CWC25: variants seen among roughly 807,000 people sequenced by gnomAD.
CWC25 encodes the protein CWC25 spliceosome associated protein.
A neutral mutation model predicts 54.6 loss-of-function variants in CWC25; 31 were observed. The observed-to-expected ratio is 0.57, with a 90% CI of 0.43 to 0.77. CWC25 has a LOEUF of 0.77. Ranked by LOEUF, CWC25 falls within the 30% of genes least tolerant of loss-of-function variation. The pLI, the probability that CWC25 is intolerant of heterozygous loss-of-function variation, is 0.00. For synonymous variants in CWC25, 151 were observed against 187.0 expected (o/e 0.81, Z 1.57); for missense variants, 453 against 529.3 (o/e 0.86, Z 1.41).
At chr17:38,824,752 C>T (rs1276642296) in intron 1 of CWC25, among the ~76,000 whole-genome samples, 2 of 152,184 alleles carry the variant, frequency 1.3e-5, no homozygotes, top group East Asian at 1.9e-4. Context: ...ACAAACCACC[C>T]CTACTTCAGT....
intron 4 of CWC25, among the ~76,000 whole-genome samples, chr17:38,811,779 C>T (rs1189938887): frequency 1.3e-5 from 2 of 152,076 alleles, no homozygotes; most frequent in Non-Finnish European, 2.9e-5. Flanking sequence ...TAAACAGTCA[C>T]CAAAACCACT....
Position 38,820,990 on chromosome 17 carries a change from C to T in CWC25, c.102G>A (p.Arg34=). 1 of 1,613,990 alleles carries T rather than the reference C, an allele frequency of 6.2e-7. No homozygotes were observed. ...WKAEQKHEAE[R]KKIEELQREL... ...CCCGCTGAAGCTCCTCAATCTTCTT[C>T]CGCTCAGCCTCATGCTTCTGCTCGG... The change falls in exon 2 of 10, where the codon CGG becomes CGA. Residue 34 remains arginine (R), a synonymous_variant. Transcript: ENST00000614790.
chr17:38,802,659 C>T, intron 9 of CWC25, 41 bp downstream of exon 9: 7 of 1,609,360 alleles, frequency 4.3e-6, no homozygotes, highest in Non-Finnish European at 5.9e-6. Context: ...CTCTTAAGAC[C>T]TTCCCCATGA....
rs1318048628 is a variant in CWC25, at chr17:38,810,572, C to CT, written c.521dup (p.Glu175GlyfsTer16). On this transcript the variant is annotated frameshift_variant, in exon 5 of 10. Transcript: ENST00000614790. LOFTEE classifies it high-confidence loss of function. ...TCTTCTCCTTCTTTTTCTTCTTCTC[C>CT]TTTTTTTCCAGACTCATTTGCAACT... is the stretch of plus-strand genomic sequence containing the variant. 2 of 1,535,542 alleles carry CT rather than the reference C, an allele frequency of 1.3e-6. No homozygotes were observed. The highest frequency in any genetic ancestry group is 1.9e-5 in the Admixed American group (1 of 52,150).
chr17:38,824,727 T>C (rs1912072878), intron 1 of CWC25, among the ~76,000 whole-genome samples: 1 of 151,828 alleles, frequency 6.6e-6, no homozygotes, highest in Non-Finnish European at 1.5e-5. Context: ...TGGCTTAGGG[T>C]AGGGAGAATG....
At chr17:38,823,462 T>G (rs1248848026) in intron 1 of CWC25, among the ~76,000 whole-genome samples, 2 of 149,310 alleles carry the variant, frequency 1.3e-5, no homozygotes, top group East Asian at 3.9e-4. Context: ...TGGCTGAGAC[T>G]CCATCTTAAA....
rs566528948 is a variant in CWC25, at chr17:38,813,808, T to C, written c.429-944A>G. Reference sequence around the variant, plus strand: ...ATCCATCCATCTCTGCCTCCCAAAGTGCTGGGATTACAGGTGTGATCCACC... The same window carrying C: ...ATCCATCCATCTCTGCCTCCCAAAGCGCTGGGATTACAGGTGTGATCCACC... On this transcript the variant is annotated intron_variant, in intron 3 of 9. Coordinates refer to ENST00000614790, the MANE Select transcript of CWC25 (RefSeq NM_017748.5). Among the ~76,000 whole-genome samples the C allele has an allele frequency of 1.2e-4, 18 of 152,316 alleles. No homozygotes were observed. The East Asian group carries it at 3.3e-3, about 28-fold the overall frequency.
Position 38,814,741 on chromosome 17 carries a change from G to T in CWC25, c.428+120C>A, listed in dbSNP as rs1302868818. On this transcript the variant is annotated intron_variant, in intron 3 of 9. Transcript: ENST00000614790. ...AGCCTGGGCGACAGAGCGAGACTCC[G>T]TCTCAAAAAAAAAAAAAAAAAAAAA... 7.8e-6 allele frequency: 5 copies of T among 639,384 alleles called. No homozygotes were observed. In the African/African-American group the frequency reaches 2.0e-4, roughly 26 times the overall value. The allele number at this position is 639,384 out of a possible 1,614,324, so 39.6% of individuals were successfully genotyped here.
In CWC25 at chr17:38,810,579, T is replaced by G; in HGVS notation, c.515A>C (p.Glu172Ala). The G allele has an allele frequency of 6.6e-7, 1 of 1,512,436 alleles. No individual in the cohort carries two copies. The highest frequency in any genetic ancestry group is 9.0e-7 in the Non-Finnish European group (1 of 1,107,624). 93.7% of individuals were successfully genotyped at this position (1,512,436 alleles called of 1,614,324 possible). A position where few individuals can be genotyped will look rare whatever the true frequency, so the allele number is the denominator to read the frequency against. Residue 172 changes from glutamate to alanine, a missense_variant, in exon 5 of 10, where the codon GAA (glutamate) becomes GCA (alanine). Coordinates refer to ENST00000614790, the MANE Select transcript of CWC25 (RefSeq NM_017748.5). The part of the protein sequence containing the change: ...KIKELLQMSL[E>A]KKEKKKKKEK... The stretch of plus-strand genomic sequence containing the variant: ...CTTCTTTTTCTTCTTCTCCTTTTTT[T>G]CCAGACTCATTTGCAACTGGAAAAT...
At chr17:38,813,101 C>G (rs1041543803) in intron 3 of CWC25, among the ~76,000 whole-genome samples, 1 of 150,142 alleles carries the variant, frequency 6.7e-6, no homozygotes, top group African/African-American at 2.5e-5. Context: ...GAGCTGAGAT[C>G]GTGCCACTGC....
Position 38,825,275 on chromosome 17 carries a change from G to C in CWC25, c.-92C>G, listed in dbSNP as rs111344206. The C allele has an allele frequency of 2.4e-3, 3,376 of 1,391,744 alleles. 16 individuals carry two copies. Among genetic ancestry groups the C allele is most frequent in the Middle Eastern group, 0.018 (101 of 5,564 alleles). 86.2% of individuals were successfully genotyped at this position (1,391,744 alleles called of 1,614,324 possible). On this transcript the variant is annotated 5_prime_UTR_variant, in exon 1 of 10. Coordinates refer to ENST00000614790, the MANE Select transcript of CWC25 (RefSeq NM_017748.5). ...AGAAATAGTTCGGGGGCTACCTCGC[G>C]GGATCTAGTCCCAGGAGCCGTCAAC... is the stretch of plus-strand genomic sequence containing the variant.
intron 2 of CWC25, 83 bp from the exon 3 acceptor site, chr17:38,815,180 G>A (rs1911648656): frequency 1.7e-6 from 2 of 1,212,074 alleles, no homozygotes; most frequent in African/African-American, 1.5e-5. Flanking sequence ...GGACACAAGG[G>A]AGAGAGAACC....
Position 38,802,072 on chromosome 17 carries a change from A to G in CWC25, c.*20T>C, listed in dbSNP as rs1911047675. On this transcript the variant is annotated 3_prime_UTR_variant, in exon 10 of 10. Coordinates refer to ENST00000614790, the MANE Select transcript of CWC25 (RefSeq NM_017748.5). ...CTTCCCTGGAAAATGCAGGAAAACC[A>G]ATAAGAGAGGGGACAGTTTTCATCT... 6.6e-7 allele frequency: 1 copy of G among 1,504,440 alleles called. No individual in the cohort carries two copies. Among genetic ancestry groups the G allele is most frequent in the Admixed American group, 1.7e-5 (1 of 59,166 alleles). The allele number at this position is 1,504,440 out of a possible 1,614,324, so 93.2% of individuals were successfully genotyped here.
intron 1 of CWC25, among the ~76,000 whole-genome samples, chr17:38,823,196 G>A (rs1229465497): frequency 7.7e-6 from 1 of 129,760 alleles, no homozygotes; most frequent in African/African-American, 3.0e-5. Flanking sequence ...GTCTTGCTCT[G>A]TCACGCAGGC....
intron 1 of CWC25, among the ~76,000 whole-genome samples, chr17:38,821,444 C>T (rs1382867971): frequency 6.6e-6 from 1 of 152,110 alleles, no homozygotes; most frequent in Non-Finnish European, 1.5e-5. Context: ...CCTGTAGTCC[C>T]GGCTATTCAG....
At chr17:38,813,280 G>A (rs1426632983) in intron 3 of CWC25, among the ~76,000 whole-genome samples, 1 of 151,278 alleles carries the variant, frequency 6.6e-6, no homozygotes, top group Non-Finnish European at 1.5e-5. Flanking sequence ...TGGCCAACAT[G>A]GTGAAACCTC....
At chr17:38,821,490 C>T (rs532455332) in intron 1 of CWC25, among the ~76,000 whole-genome samples, 52 of 152,252 alleles carry the variant, frequency 3.4e-4, no homozygotes, top group African/African-American at 1.2e-3. Flanking sequence ...AACCAAGAGG[C>T]GGAGGTTGCG....
At chr17:38,813,481 T>A (rs1407862207) in intron 3 of CWC25, among the ~76,000 whole-genome samples, 7 of 93,680 alleles carry the variant, frequency 7.5e-5, no homozygotes, top group South Asian at 7.6e-4. Flanking sequence ...TCAAAAAAAA[T>A]AAATAAATAA....
At chr17:38,824,131 T>C (rs1436137125) in intron 1 of CWC25, among the ~76,000 whole-genome samples, 5 of 152,230 alleles carry the variant, frequency 3.3e-5, no homozygotes, top group African/African-American at 4.8e-5. Context: ...GCGGCTAAGC[T>C]GATCTACTTG....
Sources: allele counts gnomAD v4.1 joint callset (sites outside exome capture counted in the v4.1 genomes callset), GRCh38; gene constraint gnomAD v4.1.1; transcripts MANE v1.5; gene names NCBI Gene and HGNC (gene_info 2026-07-23, HGNC 2026-07-21).